Variants in ADCY2 observed in about 807,000 individuals in gnomAD.
ADCY2 encodes the protein adenylate cyclase 2.
A neutral mutation model predicts 125.2 loss-of-function variants in ADCY2; 31 were observed. The observed-to-expected ratio is 0.25, with a 90% CI of 0.19 to 0.33. The LOEUF (loss-of-function observed/expected upper bound fraction) is 0.33, where lower values mean the gene tolerates loss of function less well. Ranked by LOEUF, ADCY2 falls within the 10% of genes least tolerant of loss-of-function variation. The pLI, the probability that ADCY2 is intolerant of heterozygous loss-of-function variation, is 1.00. For missense variants in ADCY2, 904 were observed against 1,418.2 expected, an observed-to-expected ratio of 0.64 and a Z score of 5.82; for synonymous variants, 512 against 548.4, an observed-to-expected ratio of 0.93 and a Z score of 0.93.
intron 3 of ADCY2, among the ~76,000 whole-genome samples, chr5:7,536,452 C>G (rs1043774596): frequency 3.3e-5 from 5 of 152,222 alleles, no homozygotes; most frequent in African/African-American, 9.6e-5. Context: ...ATCCCCCCCA[C>G]ATGCCCCAGA....
At chr5:7,626,619 G>T (rs1738136310) in intron 4 of ADCY2, among the ~76,000 whole-genome samples, 1 of 152,142 alleles carries the variant, frequency 6.6e-6, no homozygotes, top group Non-Finnish European at 1.5e-5. Context: ...ATGGATAATG[G>T]GTAATGTGCA....
At chr5:7,407,394 G>A (rs1739535941) in intron 1 of ADCY2, among the ~76,000 whole-genome samples, 2 of 152,244 alleles carry the variant, frequency 1.3e-5, no homozygotes, top group East Asian at 3.9e-4. Flanking sequence ...TGCATTGCTG[G>A]GGAAGCCTCA....
At chr5:7,625,436 G>C (rs928181589) in intron 3 of ADCY2, among the ~76,000 whole-genome samples, 1 of 152,216 alleles carries the variant, frequency 6.6e-6, no homozygotes, top group Non-Finnish European at 1.5e-5. Context: ...AGACAAGGCC[G>C]TATGGAAAGC....
intron 12 of ADCY2, among the ~76,000 whole-genome samples, chr5:7,719,343 C>G (rs137871171): frequency 8.0e-4 from 122 of 152,230 alleles, no homozygotes; most frequent in African/African-American, 2.7e-3. Context: ...GTGCTGTACT[C>G]AAAAAATAAA....
chr5:7,559,933 T>G (rs10073375), intron 3 of ADCY2, among the ~76,000 whole-genome samples: 2 of 152,038 alleles, frequency 1.3e-5, no homozygotes, highest in African/African-American at 4.8e-5. Flanking sequence ...CCCAAGGAGA[T>G]AGATTTTAGA....
chr5:7,539,471 T>C (rs770437306), intron 3 of ADCY2, among the ~76,000 whole-genome samples: 1 of 152,182 alleles, frequency 6.6e-6, no homozygotes, highest in Non-Finnish European at 1.5e-5. Flanking sequence ...TCCTTTATAA[T>C]AGAATTGTTC....
chr5:7,403,937 TACACACAC>T lies in ADCY2; in HGVS notation c.210+7463_210+7470del, dbSNP rs370540720. Among the ~76,000 whole-genome samples, 434 of 140,540 alleles carry T rather than the reference TACACACAC, an allele frequency of 3.1e-3. 1 individual carries two copies. The highest frequency in any genetic ancestry group is 0.011 in the African/African-American group (409 of 38,852). The allele number at this position is 140,540 out of a possible 152,430, so 92.2% of individuals were successfully genotyped here. On this transcript the variant is annotated intron_variant, in intron 1 of 24. Coordinates refer to ENST00000338316, the MANE Select transcript of ADCY2 (RefSeq NM_020546.3). ...TGTTTTGTTTTTATCCTTTCAATGC[TACACACAC>T]ACACACACACACACACACACACACA...
Position 7,709,388 on chromosome 5 carries a change from G to A in ADCY2, c.1578+1G>A. On this transcript the variant is annotated splice_donor_variant, in intron 10 of 24. Transcript: ENST00000338316. LOFTEE classifies it high-confidence loss of function. The surrounding 1 kb of genome is among the most constrained non-coding windows in gnomAD (Gnocchi z 4.4). ...AGAGAACGGCAAGATCAGCACCACG[G>A]TATGCCCTCCCCTGCCTCCAATGCC... The A allele has an allele frequency of 6.3e-7, 1 of 1,585,810 alleles. No individual in the cohort carries two copies. Among genetic ancestry groups the A allele is most frequent in the Non-Finnish European group, 8.6e-7 (1 of 1,165,914 alleles).
intron 3 of ADCY2, among the ~76,000 whole-genome samples, chr5:7,553,985 T>C (rs1735428213): frequency 6.6e-6 from 1 of 152,182 alleles, no homozygotes; most frequent in South Asian, 2.1e-4. Context: ...AAAATCCCAC[T>C]ATGGCATGAA....
intron 7 of ADCY2, among the ~76,000 whole-genome samples, chr5:7,701,815 T>C (rs1478073796): frequency 6.6e-6 from 1 of 152,250 alleles, no homozygotes. Flanking sequence ...TGTGGTGGCA[T>C]GTGTTAGCAC....
chr5:7,638,554 A>G (rs781229840), intron 4 of ADCY2, among the ~76,000 whole-genome samples: 16 of 152,210 alleles, frequency 1.1e-4, no homozygotes, highest in South Asian at 4.1e-4. Flanking sequence ...GATGAAAGAA[A>G]CAAAACACAC....
chr5:7,779,223 G>A (rs146749663), intron 18 of ADCY2, among the ~76,000 whole-genome samples: 56 of 152,290 alleles, frequency 3.7e-4, no homozygotes, highest in Non-Finnish European at 6.9e-4. Context: ...AAGAGCAACC[G>A]TTAGTGAACT....
At chr5:7,441,354 G>A (rs117242944) in intron 2 of ADCY2, among the ~76,000 whole-genome samples, 2 of 152,144 alleles carry the variant, frequency 1.3e-5, no homozygotes, top group East Asian at 1.9e-4. Flanking sequence ...TAATGCCTTC[G>A]AGTGAAGATG....
intron 3 of ADCY2, among the ~76,000 whole-genome samples, chr5:7,616,520 T>C (rs1314461193): frequency 1.3e-5 from 2 of 152,310 alleles, no homozygotes; most frequent in South Asian, 4.1e-4. Flanking sequence ...AAAATTTAAT[T>C]GATTAAAAAT....
intron 18 of ADCY2, among the ~76,000 whole-genome samples, chr5:7,779,299 G>A (rs571705840): frequency 5.3e-5 from 8 of 152,308 alleles, no homozygotes; most frequent in East Asian, 1.9e-4. Flanking sequence ...GAAGAAACTC[G>A]ATATTTAGGC....
At position 7,615,236 on chromosome 5, in the gene ADCY2, T is replaced by TGG. The variant is rs569439186; in HGVS notation, c.571-10928_571-10927dup. ...ACTACAATTCAACATGAGATTTGTGTGGGGACACAAATCCAGACCATATCA... is the reference window on the plus strand; with the variant it reads ...ACTACAATTCAACATGAGATTTGTGTGGGGGGACACAAATCCAGACCATATCA... On this transcript the variant is annotated intron_variant, in intron 3 of 24. Coordinates refer to ENST00000338316, the MANE Select transcript of ADCY2 (RefSeq NM_020546.3). Among the ~76,000 whole-genome samples the TGG allele has an allele frequency of 3.2e-3, 487 of 152,260 alleles. 4 individuals carry two copies. Among genetic ancestry groups the TGG allele is most frequent in the African/African-American group, 0.011 (471 of 41,552 alleles).
intron 7 of ADCY2, among the ~76,000 whole-genome samples, chr5:7,699,961 G>A (rs1164949338): frequency 1.3e-5 from 2 of 152,132 alleles, no homozygotes; most frequent in African/African-American, 2.4e-5. Context: ...GGTTTTGTTT[G>A]TTTCAAAGGT....
At chr5:7,438,375 AT>A (rs1206175207) in intron 2 of ADCY2, among the ~76,000 whole-genome samples, 1 of 152,264 alleles carries the variant, frequency 6.6e-6, no homozygotes, top group Non-Finnish European at 1.5e-5. Context: ...AGGAGCAAAC[AT>A]AACATGCAAC....
At chr5:7,805,734 A>G (rs1744740599) in intron 22 of ADCY2, among the ~76,000 whole-genome samples, 1 of 152,162 alleles carries the variant, frequency 6.6e-6, no homozygotes, top group Non-Finnish European at 1.5e-5. Flanking sequence ...GGCAGCAGGC[A>G]CCATAACAGA....
Sources: gnomAD v4.1 joint callset for allele counts (sites outside exome capture counted in the v4.1 genomes callset) on GRCh38, gnomAD v4.1.1 for gene constraint, Gnocchi (gnomAD v3.1) non-coding constraint, MANE v1.5 for transcripts, NCBI Gene and HGNC (gene_info 2026-07-23, HGNC 2026-07-21) for gene names.